Variants in GRK2 observed in about 807,000 individuals in gnomAD.
The protein encoded by GRK2 is adrenergic beta receptor kinase 1.
A neutral mutation model predicts 97.8 loss-of-function variants in GRK2; 23 were observed. That is an observed-to-expected ratio of 0.24 (90% CI 0.17 to 0.33). GRK2 has a LOEUF of 0.33. Ranked by LOEUF, GRK2 falls within the 10% of genes least tolerant of loss-of-function variation. The probability of loss-of-function intolerance (pLI) is 1.00; values close to 1 mark genes in which losing one functional copy is unlikely to be tolerated. For synonymous variants in GRK2, 425 were observed against 381.7 expected (o/e 1.11, Z -1.32); for missense variants, 633 against 956.9 (o/e 0.66, Z 4.47).
rs780317082 is a variant in GRK2 at position 67,285,405 on chromosome 11, G to A, written c.2025G>A (p.Leu675=). 6.2e-7 allele frequency: 1 copy of A among 1,605,114 alleles called. No individual in the cohort carries two copies. Among genetic ancestry groups the A allele is most frequent in the South Asian group, 1.1e-5 (1 of 90,716 alleles). ...KNKPRSPVVE[L]SKVPLVQRGS... is the part of the protein sequence containing the mutation. ...AGCCGCGCTCGCCCGTGGTGGAGCTGAGCAAGGTGCCGCTGGTCCAGCGCG... is the reference window on the plus strand; with the variant it reads ...AGCCGCGCTCGCCCGTGGTGGAGCTAAGCAAGGTGCCGCTGGTCCAGCGCG... Residue 675 remains leucine, a synonymous_variant, in exon 21 of 21, where the codon CTG becomes CTA. Transcript: ENST00000308595.
At chr11:67,267,652 C>T (rs1859826516) in intron 1 of GRK2, among the ~76,000 whole-genome samples, 1 of 152,354 alleles carries the variant, frequency 6.6e-6, no homozygotes, top group Non-Finnish European at 1.5e-5. Context: ...TGACATCACA[C>T]CTGGTATCAA....
rs781170094 is a variant in GRK2, at chr11:67,286,188, C to T, written c.*738C>T. ...ACTGGCCTCGCCTGGCCTGAGGTCT[C>T]GCTGATGCTGGGCTGGGTGCGACCC... On this transcript the variant is annotated 3_prime_UTR_variant, in exon 21 of 21. Coordinates refer to ENST00000308595, the MANE Select transcript of GRK2 (RefSeq NM_001619.5). 26 of 544,526 alleles carry T rather than the reference C, an allele frequency of 4.8e-5. No individual in the cohort carries two copies. Among genetic ancestry groups the T allele is most frequent in the East Asian group, 2.0e-4 (6 of 29,644 alleles). The allele number at this position is 544,526 out of a possible 1,614,324, so 33.7% of individuals were successfully genotyped here. A position where few individuals can be genotyped will look rare whatever the true frequency, so the allele number is the denominator to read the frequency against.
In GRK2 at chr11:67,276,105, A is replaced by T. The variant is rs1590849248; in HGVS notation, c.114-1167A>T. Among the ~76,000 whole-genome samples, 1 of 152,100 alleles carries T rather than the reference A, an allele frequency of 6.6e-6. No homozygotes were observed. Among genetic ancestry groups the T allele is most frequent in the African/African-American group, 2.4e-5 (1 of 41,402 alleles). ...CCTGGACTTGCGGATCCAAATCTCC[A>T]CCAGCTGCAGTCATTTCACGGGAGG... On this transcript the variant is annotated intron_variant, in intron 1 of 20. Transcript: ENST00000308595. This position sits in a 1 kb window ranked among gnomAD's most constrained non-coding sequence, Gnocchi z 4.2.
intron 1 of GRK2, among the ~76,000 whole-genome samples, chr11:67,270,256 T>C (rs1859878534): frequency 6.6e-6 from 1 of 152,168 alleles, no homozygotes; most frequent in African/African-American, 2.4e-5. Context: ...TCTGGGCTCC[T>C]AGCTGAGGAG....
rs1227752506 is a variant in GRK2 at position 67,276,192 on chromosome 11, G to T, written c.114-1080G>T. ...AGCGTGACATGGGCTCAGGTGTGTT[G>T]TCCCTTCAGGCCCCCAGCCTTGCAA... On this transcript the variant is annotated intron_variant, in intron 1 of 20. Transcript: ENST00000308595. This position sits in a 1 kb window ranked among gnomAD's most constrained non-coding sequence, Gnocchi z 4.2. Among the ~76,000 whole-genome samples the T allele has an allele frequency of 6.6e-6, 1 of 152,214 alleles. No homozygotes were observed.
intron 1 of GRK2, among the ~76,000 whole-genome samples, chr11:67,271,818 C>A (rs554288383): frequency 6.6e-6 from 1 of 152,330 alleles, no homozygotes; most frequent in South Asian, 2.1e-4. Flanking sequence ...CGTCCTTGTT[C>A]GCCCCAGGGA....
chr11:67,286,262 A>AG lies in GRK2; in HGVS notation c.*814dup, dbSNP rs1256435356. ...CAGGTGGGCGGGCAGCACAGCAAGG[A>AG]GGCTGGCTGGGGCCTATCAGTGTGC... is the stretch of plus-strand genomic sequence containing the variant. On this transcript the variant is annotated 3_prime_UTR_variant, in exon 21 of 21. Coordinates refer to ENST00000308595, the MANE Select transcript of GRK2 (RefSeq NM_001619.5). 1.6e-5 allele frequency: 10 copies of AG among 607,444 alleles called. No individual in the cohort carries two copies. The highest frequency in any genetic ancestry group is 3.0e-5 in the Admixed American group (1 of 33,090). The allele number at this position is 607,444 out of a possible 1,614,324, so 37.6% of individuals were successfully genotyped here. A position where few individuals can be genotyped will look rare whatever the true frequency, so the allele number is the denominator to read the frequency against.
At position 67,282,981 on chromosome 11, in the gene GRK2, G is replaced by A. The variant is rs1565068267; in HGVS notation, c.1228-147G>A. The A allele has an allele frequency of 7.9e-6, 9 of 1,145,726 alleles. No individual in the cohort carries two copies. The highest frequency in any genetic ancestry group is 7.1e-5 in the East Asian group (3 of 42,096). 71.0% of individuals were successfully genotyped at this position (1,145,726 alleles called of 1,614,324 possible). A position where few individuals can be genotyped will look rare whatever the true frequency, so the allele number is the denominator to read the frequency against. ...TGCCCCATAGGCTCTCGCCCTCCCC[G>A]TGCTGTTGGAGCATGACTGCTGGGC... On this transcript the variant is annotated intron_variant, in intron 14 of 20. Coordinates refer to ENST00000308595, the MANE Select transcript of GRK2 (RefSeq NM_001619.5). The surrounding 1 kb of genome is among the most constrained non-coding windows in gnomAD (Gnocchi z 6.9).
chr11:67,266,651 A>AGCG lies in GRK2; in HGVS notation c.-26_-24dup, dbSNP rs759489796. On this transcript the variant is annotated 5_prime_UTR_variant, in exon 1 of 21. Transcript: ENST00000308595. ...CCGGGCCGAGCGCCGAGCGAGCAGG[A>AGCG]GCGGCGGCGGCGGCGGCGGCGGCGG... is the stretch of plus-strand genomic sequence containing the variant. The AGCG allele has an allele frequency of 3.3e-3, 2,821 of 857,528 alleles. 18 individuals are homozygous for AGCG. The highest frequency in any genetic ancestry group is 0.02 in the African/African-American group (1,026 of 51,378). The allele number at this position is 857,528 out of a possible 1,614,324, so 53.1% of individuals were successfully genotyped here.
In GRK2 at chr11:67,270,491, G is replaced by T. The variant is rs183802251; in HGVS notation, c.113+3679G>T. On this transcript the variant is annotated intron_variant, in intron 1 of 20. Transcript: ENST00000308595. Reference sequence around the variant, plus strand: ...GCTGCCTCGTTCCTGTTAACTCTTCGCAGCCAGAACTTCCTGCCCTCGATT... The same window carrying T: ...GCTGCCTCGTTCCTGTTAACTCTTCTCAGCCAGAACTTCCTGCCCTCGATT... Among the ~76,000 whole-genome samples, 6 of 151,858 alleles carry T rather than the reference G, an allele frequency of 4.0e-5. No homozygotes were observed. The South Asian group carries it at 1.2e-3, about 31-fold the overall frequency.
chr11:67,279,342 A>G, intron 3 of GRK2, 69 bp downstream of exon 3: 3 of 1,606,014 alleles, frequency 1.9e-6, no homozygotes, highest in Non-Finnish European at 2.6e-6. Flanking sequence ...GCTTTGTGGA[A>G]CCCACAAGCT....
chr11:67,272,230 G>T (rs1859926785), intron 1 of GRK2, among the ~76,000 whole-genome samples: 1 of 152,202 alleles, frequency 6.6e-6, no homozygotes, highest in South Asian at 2.1e-4. Flanking sequence ...ACAAGTCAGG[G>T]TCCTCTGAGC....
At chr11:67,274,735 C>G (rs957052529) in intron 1 of GRK2, among the ~76,000 whole-genome samples, 3 of 152,118 alleles carry the variant, frequency 2.0e-5, no homozygotes, top group African/African-American at 7.2e-5. Context: ...GAAGCCCTTG[C>G]TGTGTGTGAA....
Position 67,269,937 on chromosome 11 carries a change from G to C in GRK2, c.113+3125G>C, listed in dbSNP as rs567567278. ...CTTCTGTCACCCTATAGAATCCAAG[G>C]AAACAGTCCCTTTCCCCGACCTTCT... is the stretch of plus-strand genomic sequence containing the variant. On this transcript the variant is annotated intron_variant, in intron 1 of 20. Transcript: ENST00000308595. The surrounding 1 kb of genome is among the most constrained non-coding windows in gnomAD (Gnocchi z 4.1). Among the ~76,000 whole-genome samples, 1 of 152,204 alleles carries C rather than the reference G, an allele frequency of 6.6e-6. No homozygotes were observed. The highest frequency in any genetic ancestry group is 1.9e-4 in the East Asian group (1 of 5,202).
rs779164828 is a variant in GRK2, at chr11:67,281,975, G to C, written c.957+23G>C. 1 of 1,612,720 alleles carries C rather than the reference G, an allele frequency of 6.2e-7. No homozygotes were observed. The highest frequency in any genetic ancestry group is 1.3e-5 in the African/African-American group (1 of 74,902). ...AAGGTGAGCGCCCCTGCTGTCCCCA[G>C]GCTGGACCTCCGTGGCTGTCCTCTC... On this transcript the variant is annotated intron_variant, in intron 11 of 20. Transcript: ENST00000308595. This position sits in a 1 kb window ranked among gnomAD's most constrained non-coding sequence, Gnocchi z 5.7.
rs1163847750 is a variant in GRK2 at position 67,280,931 on chromosome 11, A to C, written c.555+148A>C. ...CGTGGCTATGGGGGTCAGGGCCGGGATCCCAGCATGGGGAGGCCGGAGCAG... is the reference window on the plus strand; with the variant it reads ...CGTGGCTATGGGGGTCAGGGCCGGGCTCCCAGCATGGGGAGGCCGGAGCAG... On this transcript the variant is annotated intron_variant, in intron 7 of 20. Transcript: ENST00000308595. 6.9e-6 allele frequency: 8 copies of C among 1,152,680 alleles called. No homozygotes were observed. The East Asian group carries it at 1.9e-4, about 27-fold the overall frequency. 71.4% of individuals were successfully genotyped at this position (1,152,680 alleles called of 1,614,324 possible).
rs1385030492 is a variant in GRK2, at chr11:67,270,875, G to T, written c.113+4063G>T. The T allele has an allele frequency of 2.0e-5, 3 of 152,270 alleles. No individual in the cohort carries two copies. The East Asian group carries it at 5.8e-4, about 29-fold the overall frequency. The allele number at this position is 152,270 out of a possible 1,614,324, so 9.4% of individuals were successfully genotyped here. ...AATGCAGGTTGGAATCTGTGCAGGG[G>T]AACCTGGGCTGTTAACCCAGAATGA... is the stretch of plus-strand genomic sequence containing the variant. On this transcript the variant is annotated intron_variant, in intron 1 of 20. Coordinates refer to ENST00000308595, the MANE Select transcript of GRK2 (RefSeq NM_001619.5).
chr11:67,285,268 T>C lies in GRK2; in HGVS notation c.1906-18T>C, dbSNP rs374847519. ...TGGGGAGAGCCCCAGCTGACAGAGC[T>C]GGGCTTGGCATGTGCAGAGCGACCC... On this transcript the variant is annotated intron_variant, in intron 20 of 20. Transcript: ENST00000308595. 3.7e-5 allele frequency: 60 copies of C among 1,609,134 alleles called. No individual in the cohort carries two copies. The highest frequency in any genetic ancestry group is 1.9e-5 in the Non-Finnish European group (22 of 1,177,898).
chr11:67,284,725 G>A (rs1350172906), intron 18 of GRK2, 122 bp from the exon 19 acceptor site: 1 of 1,309,916 alleles, frequency 7.6e-7, no homozygotes, highest in Non-Finnish European at 1.0e-6. Context: ...GGAGGTGGAG[G>A]TTGCAGTGAG....
Sources: gnomAD v4.1 joint callset for allele counts (sites outside exome capture counted in the v4.1 genomes callset) on GRCh38, gnomAD v4.1.1 for gene constraint, Gnocchi (gnomAD v3.1) non-coding constraint, MANE v1.5 for transcripts, NCBI Gene and HGNC (gene_info 2026-07-23, HGNC 2026-07-21) for gene names.